The following TENT5A variants were observed in gnomAD, a reference collection of about 807,000 sequenced individuals.
TENT5A encodes HBV X-transactivated gene 11 protein.
Under a neutral mutation model 30.2 loss-of-function variants are expected in TENT5A, and 9 were observed. The ratio of observed to expected loss-of-function variants is 0.30; its 90% CI spans 0.18 to 0.52. The LOEUF (loss-of-function observed/expected upper bound fraction) is 0.52, where lower values mean the gene tolerates loss of function less well. Ranked by LOEUF, TENT5A falls within the 20% of genes least tolerant of loss-of-function variation. The pLI is 0.97. For synonymous variants in TENT5A, 264 were observed against 234.2 expected (o/e 1.13, Z -1.16); for missense variants, 411 against 566.1 (o/e 0.73, Z 2.78).
Position 81,752,147 on chromosome 6 carries a change from G to A in TENT5A, c.-6C>T. On this transcript the variant is annotated 5_prime_UTR_variant, in exon 2 of 3. Transcript: ENST00000320172. ...TACCCTTCACCCTCCGCCATGTAGT[G>A]CCCGCCGAGCGCCACTTGGCCCTGG... is the stretch of plus-strand genomic sequence containing the variant. 2 of 1,536,924 alleles carry A rather than the reference G, an allele frequency of 1.3e-6. No individual in the cohort carries two copies. The highest frequency in any genetic ancestry group is 1.8e-6 in the Non-Finnish European group (2 of 1,139,844).
rs1768996204 is a variant in TENT5A at position 81,749,884 on chromosome 6, A to G, written c.1140T>C (p.Leu380=). The change falls in exon 3 of 3, where the codon CTT becomes CTC. Residue 380 remains leucine, a synonymous_variant. Coordinates refer to ENST00000320172, the MANE Select transcript of TENT5A (RefSeq NM_017633.3). The part of the protein sequence containing the change: ...MGHERRQTLN[L]ITMLAIRVLA... Reference sequence around the variant, plus strand: ...ACACCCGGATAGCCAGCATGGTGATAAGGTTTAAAGTCTGTCTTCTTTCAT... The same window carrying G: ...ACACCCGGATAGCCAGCATGGTGATGAGGTTTAAAGTCTGTCTTCTTTCAT... The G allele has an allele frequency of 6.2e-7, 1 of 1,614,114 alleles. No individual in the cohort carries two copies. Among genetic ancestry groups the G allele is most frequent in the East Asian group, 2.2e-5 (1 of 44,872 alleles).
Position 81,749,266 on chromosome 6 carries a change from T to A in TENT5A, c.*429A>T. The A allele has an allele frequency of 2.0e-6, 2 of 991,438 alleles. No individual in the cohort carries two copies. The highest frequency in any genetic ancestry group is 2.4e-6 in the Non-Finnish European group (2 of 833,990). 61.4% of individuals were successfully genotyped at this position (991,438 alleles called of 1,614,324 possible). A position where few individuals can be genotyped will look rare whatever the true frequency, so the allele number is the denominator to read the frequency against. ...CTGAACTCCTAAACTGATTCACAAG[T>A]TGGAGTGAGACCTTTTTTCCTCCGT... On this transcript the variant is annotated 3_prime_UTR_variant, in exon 3 of 3. Transcript: ENST00000320172.
chr6:81,749,014 T>G lies in TENT5A; in HGVS notation c.*681A>C, dbSNP rs1581989401. 1.0e-6 allele frequency: 1 copy of G among 985,828 alleles called. No homozygotes were observed. Among genetic ancestry groups the G allele is most frequent in the South Asian group, 4.7e-5 (1 of 21,286 alleles). The allele number at this position is 985,828 out of a possible 1,614,324, so 61.1% of individuals were successfully genotyped here. ...TTGTTACAGCTGTTTTTGCTTGCAT[T>G]TTTACATTTTAAAAATGTGATCTAT... On this transcript the variant is annotated 3_prime_UTR_variant, in exon 3 of 3. Coordinates refer to ENST00000320172, the MANE Select transcript of TENT5A (RefSeq NM_017633.3).
intron 2 of TENT5A, among the ~76,000 whole-genome samples, 175 bp downstream of exon 2, chr6:81,751,415 A>G (rs1769030438): frequency 6.6e-6 from 1 of 152,136 alleles, no homozygotes; most frequent in Admixed American, 6.5e-5. Context: ...AACACTCAAC[A>G]CCGTCCACGC....
chr6:81,747,913 T>C lies in TENT5A; in HGVS notation c.*1782A>G, dbSNP rs1456219587. On this transcript the variant is annotated 3_prime_UTR_variant, in exon 3 of 3. Transcript: ENST00000320172. ...CACAAAGGTATAACTGGTATTTTTG[T>C]AAGAAAGAAAATAAAGTTGGATTTG... 1.0e-6 allele frequency: 1 copy of C among 985,500 alleles called. No homozygotes were observed. The highest frequency in any genetic ancestry group is 1.2e-6 in the Non-Finnish European group (1 of 829,716). 61.0% of individuals were successfully genotyped at this position (985,500 alleles called of 1,614,324 possible).
Position 81,748,982 on chromosome 6 carries a change from A to T in TENT5A, c.*713T>A, listed in dbSNP as rs957738953. 6.1e-6 allele frequency: 6 copies of T among 985,710 alleles called. No individual in the cohort carries two copies. The African/African-American group carries it at 1.0e-4, about 17-fold the overall frequency. 61.1% of individuals were successfully genotyped at this position (985,710 alleles called of 1,614,324 possible). Reference sequence around the variant, plus strand: ...TGTTAAATCTTTGGTCCTTGAGCACACTTTCTTTGTTACAGCTGTTTTTGC... The same window carrying T: ...TGTTAAATCTTTGGTCCTTGAGCACTCTTTCTTTGTTACAGCTGTTTTTGC... On this transcript the variant is annotated 3_prime_UTR_variant, in exon 3 of 3. Transcript: ENST00000320172.
rs1167804535 is a variant in TENT5A at position 81,746,402 on chromosome 6, A to G, written c.*3293T>C. 1.4e-5 allele frequency: 17 copies of G among 1,230,272 alleles called. No homozygotes were observed. The highest frequency in any genetic ancestry group is 1.7e-5 in the Non-Finnish European group (17 of 986,944). The allele number at this position is 1,230,272 out of a possible 1,614,324, so 76.2% of individuals were successfully genotyped here. A position where few individuals can be genotyped will look rare whatever the true frequency, so the allele number is the denominator to read the frequency against. ...AACAGAAAGGGGTGGTAAAAACAGT[A>G]CGTTCACTTTTCATTTCCTTCCTTG... On this transcript the variant is annotated 3_prime_UTR_variant, in exon 3 of 3. Coordinates refer to ENST00000320172, the MANE Select transcript of TENT5A (RefSeq NM_017633.3).
In TENT5A at chr6:81,748,259, A is replaced by C; in HGVS notation, c.*1436T>G. Reference sequence around the variant, plus strand: ...TGATCCATGATCCACTAGATTAAACATCATAGAGGAATGCAATTTTTTTTT... The same window carrying C: ...TGATCCATGATCCACTAGATTAAACCTCATAGAGGAATGCAATTTTTTTTT... On this transcript the variant is annotated 3_prime_UTR_variant, in exon 3 of 3. Coordinates refer to ENST00000320172, the MANE Select transcript of TENT5A (RefSeq NM_017633.3). 6.1e-6 allele frequency: 6 copies of C among 985,194 alleles called. No homozygotes were observed. The highest frequency in any genetic ancestry group is 7.2e-6 in the Non-Finnish European group (6 of 829,678). 61.0% of individuals were successfully genotyped at this position (985,194 alleles called of 1,614,324 possible).
At chr6:81,752,217 G>A in intron 1 of TENT5A, 39 bp from the exon 2 acceptor site, 1 of 1,255,060 alleles carries the variant, frequency 8.0e-7, no homozygotes, top group African/African-American at 2.2e-5. Flanking sequence ...AGGACGCGCG[G>A]CGGCGGAGAG....
chr6:81,752,605 C>A lies in TENT5A; in HGVS notation c.-212G>T. 1 of 748,822 alleles carries A rather than the reference C, an allele frequency of 1.3e-6. No individual in the cohort carries two copies. Among genetic ancestry groups the A allele is most frequent in the Non-Finnish European group, 2.4e-6 (1 of 414,030 alleles). 46.4% of individuals were successfully genotyped at this position (748,822 alleles called of 1,614,324 possible). A position where few individuals can be genotyped will look rare whatever the true frequency, so the allele number is the denominator to read the frequency against. ...CGCGACCCCTCCTGCGCCGCTGCCACCCCAGCTGCGGTGGTCCCGAACTGG... is the reference window on the plus strand; with the variant it reads ...CGCGACCCCTCCTGCGCCGCTGCCAACCCAGCTGCGGTGGTCCCGAACTGG... On this transcript the variant is annotated 5_prime_UTR_variant, in exon 1 of 3. Coordinates refer to ENST00000320172, the MANE Select transcript of TENT5A (RefSeq NM_017633.3).
Position 81,746,581 on chromosome 6 carries a change from T to C in TENT5A, c.*3114A>G. ...TTGAGGCAGCTGGATTTACTGCAAA[T>C]TAAGTAAACCTTTAAAAACGGCATT... On this transcript the variant is annotated 3_prime_UTR_variant, in exon 3 of 3. Transcript: ENST00000320172. 8.1e-7 allele frequency: 1 copy of C among 1,232,108 alleles called. No homozygotes were observed. The highest frequency in any genetic ancestry group is 1.0e-6 in the Non-Finnish European group (1 of 987,928). 76.3% of individuals were successfully genotyped at this position (1,232,108 alleles called of 1,614,324 possible). A position where few individuals can be genotyped will look rare whatever the true frequency, so the allele number is the denominator to read the frequency against.
At position 81,746,451 on chromosome 6, in the gene TENT5A, A is replaced by C; in HGVS notation, c.*3244T>G. 6.5e-6 allele frequency: 8 copies of C among 1,231,942 alleles called. No homozygotes were observed. The highest frequency in any genetic ancestry group is 8.1e-6 in the Non-Finnish European group (8 of 987,812). The allele number at this position is 1,231,942 out of a possible 1,614,324, so 76.3% of individuals were successfully genotyped here. On this transcript the variant is annotated 3_prime_UTR_variant, in exon 3 of 3. Transcript: ENST00000320172. Reference sequence around the variant, plus strand: ...TGGTTTGGATTACACATATTCTTCCATCCTTGCATTTTTGGAGCTACATTA... The same window carrying C: ...TGGTTTGGATTACACATATTCTTCCCTCCTTGCATTTTTGGAGCTACATTA...
intron 2 of TENT5A, among the ~76,000 whole-genome samples, chr6:81,751,181 T>C (rs746448067): frequency 1.8e-4 from 28 of 152,192 alleles, no homozygotes; most frequent in African/African-American, 5.6e-4. Flanking sequence ...AAAAAACTCA[T>C]TGACTCACTT....
Position 81,750,787 on chromosome 6 carries a change from A to T in TENT5A, c.553-316T>A, listed in dbSNP as rs530240844. On this transcript the variant is annotated intron_variant, in intron 2 of 2. Transcript: ENST00000320172. This position sits in a 1 kb window ranked among gnomAD's most constrained non-coding sequence, Gnocchi z 4.2. ...ACTTTTTGAAAACGGTCTAATAGGC[A>T]CAATATTCACACAGTATCCAAACAA... Among the ~76,000 whole-genome samples the T allele has an allele frequency of 5.6e-4, 86 of 152,234 alleles. 1 individual carries two copies. Among genetic ancestry groups the T allele is most frequent in the Non-Finnish European group, 1.1e-3 (73 of 68,034 alleles).
chr6:81,749,628 C>CTTTTT lies in TENT5A; in HGVS notation c.*62_*66dup. Reference sequence around the variant, plus strand: ...AGGGCTGGATCACTCTTTTTTTTTTCTTTTTTTTTTTTTTCTCTCCTGTCT... The same window carrying CTTTTT: ...AGGGCTGGATCACTCTTTTTTTTTTCTTTTTTTTTTTTTTTTTTTCTCTCCTGTCT... On this transcript the variant is annotated 3_prime_UTR_variant, in exon 3 of 3. Transcript: ENST00000320172. 1 of 1,229,708 alleles carries CTTTTT rather than the reference C, an allele frequency of 8.1e-7. No individual in the cohort carries two copies. The highest frequency in any genetic ancestry group is 1.9e-5 in the South Asian group (1 of 53,830). 76.2% of individuals were successfully genotyped at this position (1,229,708 alleles called of 1,614,324 possible). A position where few individuals can be genotyped will look rare whatever the true frequency, so the allele number is the denominator to read the frequency against.
chr6:81,750,996 C>T lies in TENT5A; in HGVS notation c.553-525G>A, dbSNP rs555384168. On this transcript the variant is annotated intron_variant, in intron 2 of 2. Transcript: ENST00000320172. The surrounding 1 kb of genome is among the most constrained non-coding windows in gnomAD (Gnocchi z 4.2). ...ATTATGACATTCCAGGAGCCTGCCT[C>T]CTCAGACAATTTTAACTAATCATAT... Among the ~76,000 whole-genome samples the T allele has an allele frequency of 1.3e-4, 20 of 152,330 alleles. No homozygotes were observed. The highest frequency in any genetic ancestry group is 1.2e-3 in the Admixed American group (18 of 15,294).
Position 81,747,320 on chromosome 6 carries a change from A to G in TENT5A, c.*2375T>C, listed in dbSNP as rs1463633866. 1.0e-6 allele frequency: 1 copy of G among 985,820 alleles called. No homozygotes were observed. Among genetic ancestry groups the G allele is most frequent in the African/African-American group, 1.7e-5 (1 of 57,352 alleles). The allele number at this position is 985,820 out of a possible 1,614,324, so 61.1% of individuals were successfully genotyped here. Reference sequence around the variant, plus strand: ...CCAGGCTTAATCTGCAAACTGAACAATGTTTCCTGGGAAGTTGCAATTAAT... The same window carrying G: ...CCAGGCTTAATCTGCAAACTGAACAGTGTTTCCTGGGAAGTTGCAATTAAT... On this transcript the variant is annotated 3_prime_UTR_variant, in exon 3 of 3. Transcript: ENST00000320172.
Position 81,746,310 on chromosome 6 carries a change from A to G in TENT5A, c.*3385T>C, listed in dbSNP as rs1202771445. On this transcript the variant is annotated 3_prime_UTR_variant, in exon 3 of 3. Transcript: ENST00000320172. ...ACATTTCATTTACAAAATAGTTCAC[A>G]ATATTTATTTAACAAGCGTTGCATT... 20 of 1,217,896 alleles carry G rather than the reference A, an allele frequency of 1.6e-5. No individual in the cohort carries two copies. The highest frequency in any genetic ancestry group is 1.8e-5 in the Non-Finnish European group (18 of 979,468). The allele number at this position is 1,217,896 out of a possible 1,614,324, so 75.4% of individuals were successfully genotyped here.
At position 81,751,937 on chromosome 6, in the gene TENT5A, C is replaced by G. The variant is rs751809278; in HGVS notation, c.205G>C (p.Glu69Gln). The change falls in exon 2 of 3, where the codon GAG becomes CAG. Residue 69 changes from glutamate to glutamine, a missense_variant. Around this residue, in one of 5 missense-constraint regions of TENT5A, gnomAD observed 157 missense variants for 183.2 expected, o/e 0.86. Coordinates refer to ENST00000320172, the MANE Select transcript of TENT5A (RefSeq NM_017633.3). Reference protein sequence around the residue: ...PTAHCNVLNWEQVQRLDGILS... With the variant: ...PTAHCNVLNWQQVQRLDGILS... Reference sequence around the variant, plus strand: ...ATGCCGTCCAGCCGCTGCACTTGCTCCCAGTTCAGCACATTGCAGTGCGCC... The same window carrying G: ...ATGCCGTCCAGCCGCTGCACTTGCTGCCAGTTCAGCACATTGCAGTGCGCC... 4 of 1,613,270 alleles carry G rather than the reference C, an allele frequency of 2.5e-6. No individual in the cohort carries two copies. The highest frequency in any genetic ancestry group is 2.2e-5 in the South Asian group (2 of 91,088).
Sources: gnomAD v4.1 joint callset for allele counts (sites outside exome capture counted in the v4.1 genomes callset) on GRCh38, gnomAD v4.1.1 for gene constraint, gnomAD v4.1.1 regional missense constraint, Gnocchi (gnomAD v3.1) non-coding constraint, MANE v1.5 for transcripts, NCBI Gene and HGNC (gene_info 2026-07-23, HGNC 2026-07-21) for gene names.